Variants in ATRN observed in about 807,000 individuals in gnomAD.
ATRN encodes attractin-2.
In ATRN, 54 loss-of-function variants were observed where a neutral mutation model predicts 178.7. The ratio of observed to expected loss-of-function variants is 0.30; its 90% confidence interval spans 0.24 to 0.38. The LOEUF is 0.38. ATRN is among the 10% of genes least tolerant of loss of function. The pLI is 1.00. For synonymous variants in ATRN, 636 were observed against 663.0 expected, an observed-to-expected ratio of 0.96 and a Z score of 0.63; for missense variants, 1,443 against 1,815.1, an observed-to-expected ratio of 0.79 and a Z score of 3.73.
intron 13 of ATRN, 124 bp from the exon 14 acceptor site, chr20:3,576,731 ATCTG>A: frequency 9.5e-6 from 7 of 733,798 alleles, no homozygotes; most frequent in Middle Eastern, 2.5e-4. Context: ...CTATCTATCT[ATCTG>A]TCTATCTATT....
intron 1 of ATRN, 123 bp downstream of exon 1, chr20:3,471,640 T>G: frequency 7.9e-7 from 1 of 1,265,738 alleles, no homozygotes; most frequent in Non-Finnish European, 1.0e-6. Flanking sequence ...GGCCGCCCTA[T>G]GGGGTTTGAG....
At chr20:3,472,640 G>C (rs1303358075) in intron 1 of ATRN, among the ~76,000 whole-genome samples, 1 of 152,180 alleles carries the variant, frequency 6.6e-6, no homozygotes, top group Non-Finnish European at 1.5e-5. Flanking sequence ...TCTTGGAGAG[G>C]GTTCTCATTT....
chr20:3,616,600 C>T (rs377227754), intron 24 of ATRN, among the ~76,000 whole-genome samples: 5 of 152,100 alleles, frequency 3.3e-5, no homozygotes, highest in African/African-American at 1.2e-4. Flanking sequence ...AGGTGGAGAG[C>T]TGGGGAGGGC....
intron 1 of ATRN, among the ~76,000 whole-genome samples, chr20:3,475,982 C>CA (rs201550407): frequency 6.6e-6 from 1 of 151,536 alleles, no homozygotes; most frequent in Non-Finnish European, 1.5e-5. Context: ...TCCTCACTAC[C>CA]AAAAAAAAGA....
intron 1 of ATRN, among the ~76,000 whole-genome samples, chr20:3,482,814 A>AT (rs1483892519): frequency 1.3e-5 from 2 of 152,194 alleles, no homozygotes; most frequent in South Asian, 2.1e-4. Flanking sequence ...TGTATAACTC[A>AT]TTTTTTTAAA....
chr20:3,471,919 C>T (rs568463197), intron 1 of ATRN, among the ~76,000 whole-genome samples: 2 of 152,164 alleles, frequency 1.3e-5, no homozygotes, highest in South Asian at 4.1e-4. Context: ...TGCCCTAGGA[C>T]CCGATGAGTT....
chr20:3,530,267 TG>T (rs567576616), intron 1 of ATRN, among the ~76,000 whole-genome samples: 3 of 147,998 alleles, frequency 2.0e-5, no homozygotes, highest in Admixed American at 6.8e-5. Flanking sequence ...TATATATATA[TG>T]TTTTTTTCTT....
intron 4 of ATRN, among the ~76,000 whole-genome samples, chr20:3,546,823 G>C (rs1359728677): frequency 1.3e-5 from 2 of 152,146 alleles, no homozygotes; most frequent in Non-Finnish European, 2.9e-5. Flanking sequence ...CAAATTTTCA[G>C]AGAGTGTACA....
chr20:3,576,688 T>TCTGC, intron 13 of ATRN, among the ~76,000 whole-genome samples, 171 bp from the exon 14 acceptor site: 1 of 115,950 alleles, frequency 8.6e-6, no homozygotes, highest in Non-Finnish European at 1.8e-5. Flanking sequence ...TATCTGTCTG[T>TCTGC]CTGTCTGTCT....
At chr20:3,478,767 A>C (rs908424417) in intron 1 of ATRN, among the ~76,000 whole-genome samples, 1 of 152,028 alleles carries the variant, frequency 6.6e-6, no homozygotes, top group African/African-American at 2.4e-5. Flanking sequence ...CATTCCTTTC[A>C]CATCCCTTTT....
chr20:3,634,149 C>A (rs1157485000), intron 25 of ATRN, among the ~76,000 whole-genome samples, 162 bp from the exon 26 acceptor site: 1 of 152,188 alleles, frequency 6.6e-6, no homozygotes, highest in Non-Finnish European at 1.5e-5. Context: ...AGTTGTCTCA[C>A]TCATTACCTC....
At chr20:3,526,428 A>G (rs1039452426) in intron 1 of ATRN, among the ~76,000 whole-genome samples, 7 of 152,218 alleles carry the variant, frequency 4.6e-5, no homozygotes, top group African/African-American at 1.7e-4. Flanking sequence ...CCACTGCTCA[A>G]GGAAATAAGA....
intron 24 of ATRN, among the ~76,000 whole-genome samples, chr20:3,613,230 G>A (rs1304566867): frequency 3.9e-5 from 6 of 152,148 alleles, no homozygotes; most frequent in African/African-American, 9.7e-5. Context: ...CCTTGAAAAC[G>A]CAGGTAAGTT....
intron 1 of ATRN, among the ~76,000 whole-genome samples, chr20:3,526,712 A>ATGTT (rs2146161970): frequency 1.3e-5 from 2 of 152,066 alleles, no homozygotes; most frequent in Non-Finnish European, 2.9e-5. Context: ...TAACCAAAAC[A>ATGTT]GCATGATACC....
At chr20:3,557,619 C>T (rs981099554) in intron 6 of ATRN, among the ~76,000 whole-genome samples, 3 of 152,136 alleles carry the variant, frequency 2.0e-5, no homozygotes, top group African/African-American at 7.2e-5. Context: ...GGTAAAAGGA[C>T]TGTGAGGAGA....
chr20:3,596,245 A>C (rs1600142071), intron 20 of ATRN, 132 bp from the exon 21 acceptor site: 1 of 899,378 alleles, frequency 1.1e-6, no homozygotes, highest in East Asian at 2.5e-5. Context: ...GCCTGAGCTG[A>C]GTTATGGTGA....
intron 17 of ATRN, 108 bp downstream of exon 17, chr20:3,584,191 G>C (rs1235481676): frequency 8.1e-7 from 1 of 1,235,078 alleles, no homozygotes; most frequent in East Asian, 2.3e-5. Flanking sequence ...AACAAGACTG[G>C]ACATGACCTC....
chr20:3,551,567 CT>C (rs1378888326), intron 6 of ATRN, among the ~76,000 whole-genome samples: 6 of 152,094 alleles, frequency 3.9e-5, no homozygotes, highest in African/African-American at 1.4e-4. Flanking sequence ...ACCTGAGACA[CT>C]TTTCAATCTT....
rs1312311940 is a variant in ATRN at position 3,646,943 on chromosome 20, C to T, written c.*96C>T. The T allele has an allele frequency of 6.1e-6, 9 of 1,475,892 alleles. No individual in the cohort carries two copies. Among genetic ancestry groups the T allele is most frequent in the South Asian group, 4.1e-5 (3 of 73,594 alleles). The allele number at this position is 1,475,892 out of a possible 1,614,324, so 91.4% of individuals were successfully genotyped here. On this transcript the variant is annotated 3_prime_UTR_variant, in exon 29 of 29. Transcript: ENST00000262919. ...GTGGCGGGGAAATGGCTGTGCGGTG[C>T]GGGACGGAAGACTGGAAACCCTCAA... is the stretch of plus-strand genomic sequence containing the variant.
Sources: allele counts gnomAD v4.1 joint callset (sites outside exome capture counted in the v4.1 genomes callset), GRCh38; gene constraint gnomAD v4.1.1; transcripts MANE v1.5; gene names NCBI Gene and HGNC (gene_info 2026-07-23, HGNC 2026-07-21).